ABCG5: variants seen among roughly 807,000 people sequenced by gnomAD.
ABCG5 encodes the protein ATP-binding cassette sub-family G member 5.
ABCG5 carries 64 observed loss-of-function variants against 64.5 expected under a neutral mutation model. The observed-to-expected ratio is 0.99, with a 90% CI of 0.81 to 1.22. ABCG5 has a LOEUF of 1.22. ABCG5 is among the 50% of genes most tolerant of loss of function. The pLI is 0.00. For missense variants in ABCG5, 908 were observed against 829.5 expected (o/e 1.09, Z -1.16); for synonymous variants, 385 against 326.3 (o/e 1.18, Z -1.94).
rs151129551 is a variant in ABCG5, at chr2:43,824,629, G to A, written c.905-197C>T. 6.5e-4 allele frequency: 641 copies of A among 985,408 alleles called. 4 individuals are homozygous for A. In the African/African-American group the frequency reaches 0.011, roughly 16 times the overall value. The allele number at this position is 985,408 out of a possible 1,614,324, so 61.0% of individuals were successfully genotyped here. A position where few individuals can be genotyped will look rare whatever the true frequency, so the allele number is the denominator to read the frequency against. On this transcript the variant is annotated intron_variant, in intron 7 of 12. Coordinates refer to ENST00000405322, the MANE Select transcript of ABCG5 (RefSeq NM_022436.3). ...TTGAGGATCCCATTGGGATTGTCTG[G>A]GAGAATTCAGAAGCTCAGCTAATTA...
At chr2:43,839,150 GT>G, upstream of ABCG5, 2 of 1,549,002 alleles carry the variant, frequency 1.3e-6, no homozygotes, top group African/African-American at 1.4e-5. Flanking sequence ...CCCAGGCCTG[GT>G]GGGCGGGTAG....
chr2:43,829,273 G>A (rs1040197043), intron 4 of ABCG5, among the ~76,000 whole-genome samples: 1 of 152,140 alleles, frequency 6.6e-6, no homozygotes, highest in African/African-American at 2.4e-5. Flanking sequence ...AATAAGTGCT[G>A]GGGTCCCATG....
chr2:43,832,382 A>C, intron 2 of ABCG5: 3 of 540,836 alleles, frequency 5.5e-6, no homozygotes. Flanking sequence ...ATTTGTCTTT[A>C]AAACTGTTTT....
At position 43,824,925 on chromosome 2, in the gene ABCG5, G is replaced by T; in HGVS notation, c.868C>A (p.Pro290Thr). Reference sequence around the variant, plus strand: ...AAAGGGTTTGAATGTTCAGGACAAGGGTAACCGCAGTCATTGAAGAAATCA... The same window carrying T: ...AAAGGGTTTGAATGTTCAGGACAAGTGTAACCGCAGTCATTGAAGAAATCA... ...MLDFFNDCGYPCPEHSNPFDF... is the reference protein window; with the variant it reads ...MLDFFNDCGYTCPEHSNPFDF... Residue 290 changes from proline (P) to threonine (T), a missense_variant, in exon 7 of 13, where the codon CCT becomes ACT. Pro to Thr is a conservative substitution (Grantham distance 38). Transcript: ENST00000405322. The T allele has an allele frequency of 6.2e-7, 1 of 1,614,036 alleles. No homozygotes were observed. The highest frequency in any genetic ancestry group is 8.5e-7 in the Non-Finnish European group (1 of 1,179,960).
intron 5 of ABCG5, 74 bp downstream of exon 5, chr2:43,827,909 A>C: frequency 6.2e-7 from 1 of 1,600,166 alleles, no homozygotes; most frequent in South Asian, 1.1e-5. Context: ...ACCGTGAAGA[A>C]AGGGCCCAAA....
At chr2:43,818,363 G>A (rs1354713137) in intron 11 of ABCG5, among the ~76,000 whole-genome samples, 1 of 152,166 alleles carries the variant, frequency 6.6e-6, no homozygotes, top group African/African-American at 2.4e-5. Flanking sequence ...AGAATCACTT[G>A]AACCCAGGAG....
downstream of ABCG5, among the ~76,000 whole-genome samples, chr2:43,808,211 C>A (rs768076560): frequency 2.7e-5 from 4 of 150,826 alleles, no homozygotes; most frequent in Non-Finnish European, 5.9e-5. Flanking sequence ...GTAAAGACTA[C>A]ATATGATTAT....
intron 10 of ABCG5, among the ~76,000 whole-genome samples, chr2:43,821,115 T>C (rs1667167648): frequency 6.6e-6 from 1 of 152,236 alleles, no homozygotes; most frequent in Admixed American, 6.5e-5. Context: ...AATGTTGGCA[T>C]GTCTTATACT....
At position 43,826,604 on chromosome 2, in the gene ABCG5, T is replaced by G. The variant is rs537387725; in HGVS notation, c.635-83A>C. The G allele has an allele frequency of 2.5e-6, 4 of 1,594,384 alleles. No individual in the cohort carries two copies. In the East Asian group the frequency reaches 8.9e-5, roughly 36 times the overall value. On this transcript the variant is annotated intron_variant, in intron 5 of 12. Transcript: ENST00000405322. ...AAAACTCAGAGTTCTGAACTGTTCC[T>G]TATTGAGTTTGTACCCCATTCAAAC...
upstream of ABCG5, chr2:43,838,904 G>A (rs964885357): frequency 1.7e-6 from 2 of 1,172,728 alleles, no homozygotes; most frequent in African/African-American, 3.1e-5. This position sits in a 1 kb window ranked among gnomAD's most constrained non-coding sequence, Gnocchi z 4.2. Context: ...TTGTAGGTGG[G>A]CTTGCCAGCA....
intron 12 of ABCG5, among the ~76,000 whole-genome samples, chr2:43,814,121 C>T (rs890842843): frequency 2.0e-5 from 3 of 151,968 alleles, no homozygotes; most frequent in South Asian, 2.1e-4. Flanking sequence ...TAGCTATGTA[C>T]GATGTACATT....
intron 4 of ABCG5, among the ~76,000 whole-genome samples, chr2:43,829,918 A>G (rs1667861669): frequency 6.6e-6 from 1 of 152,250 alleles, no homozygotes; most frequent in South Asian, 2.1e-4. Context: ...AAATAGGTAC[A>G]AAGGAATAAT....
At chr2:43,831,680 G>A in intron 4 of ABCG5, 89 bp downstream of exon 4, 1 of 1,310,120 alleles carries the variant, frequency 7.6e-7, no homozygotes, top group Non-Finnish European at 1.1e-6. Flanking sequence ...GCAAAGGGAA[G>A]GAATGGGCAA....
At position 43,813,190 on chromosome 2, in the gene ABCG5, A is replaced by G; in HGVS notation, c.1882T>C (p.Tyr628His). The G allele has an allele frequency of 1.3e-6, 2 of 1,587,492 alleles. No individual in the cohort carries two copies. Among genetic ancestry groups the G allele is most frequent in the Non-Finnish European group, 1.7e-6 (2 of 1,155,900 alleles). The change falls in exon 13 of 13, where the codon TAT (tyrosine) becomes CAT (histidine). Residue 628 changes from tyrosine (Y) to histidine (H), a missense_variant. Coordinates refer to ENST00000405322, the MANE Select transcript of ABCG5 (RefSeq NM_022436.3). ...ATGACAAGAGCTGGAATAAATGAAT[A>G]CAAAATCAGAAAGTTCATTGTGAAT... The part of the protein sequence containing the change: ...SRFTMNFLIL[Y>H]SFIPALVILG...
At chr2:43,816,629 C>T (rs1183083716) in intron 11 of ABCG5, among the ~76,000 whole-genome samples, 4 of 152,224 alleles carry the variant, frequency 2.6e-5, no homozygotes, top group South Asian at 2.1e-4. Context: ...CTGCAGCCTC[C>T]GCCTCCCAGG....
chr2:43,815,910 G>GAAAA (rs4148200), intron 11 of ABCG5, among the ~76,000 whole-genome samples: 4 of 104,064 alleles, frequency 3.8e-5, no homozygotes, highest in African/African-American at 6.5e-5. Flanking sequence ...AACAGGAAAA[G>GAAAA]AAAAAAAAAA....
At position 43,838,351 on chromosome 2, in the gene ABCG5, G is replaced by T; in HGVS notation, c.143+186C>A. The T allele has an allele frequency of 1.6e-6, 1 of 643,188 alleles. No individual in the cohort carries two copies. Among genetic ancestry groups the T allele is most frequent in the Non-Finnish European group, 2.7e-6 (1 of 375,832 alleles). The allele number at this position is 643,188 out of a possible 1,614,324, so 39.8% of individuals were successfully genotyped here. On this transcript the variant is annotated intron_variant, in intron 1 of 12. Coordinates refer to ENST00000405322, the MANE Select transcript of ABCG5 (RefSeq NM_022436.3). The surrounding 1 kb of genome is among the most constrained non-coding windows in gnomAD (Gnocchi z 4.2). ...AGGCCCTTCCCTGGGCAGGGGGAGG[G>T]GCCATTCACTGTCGCTCCATGTTTC...
chr2:43,826,391 C>T lies in ABCG5; in HGVS notation c.765G>A (p.Glu255=), dbSNP rs756207774. 5.6e-6 allele frequency: 9 copies of T among 1,613,926 alleles called. No individual in the cohort carries two copies. In the South Asian group the frequency reaches 9.9e-5, roughly 18 times the overall value. ...GAGTTGAACCTCTTACCTGAAAAAG[C>T]TCAGAACGGGGCTGGTGAATGGTGA... is the stretch of plus-strand genomic sequence containing the variant. ...VVLTIHQPRS[E]LFQLFDKIAI... The change falls in exon 6 of 13, where the codon GAG becomes GAA. Residue 255 remains glutamate, a synonymous_variant. Transcript: ENST00000405322.
chr2:43,820,157 A>G (rs1208981359), intron 10 of ABCG5, 57 bp from the exon 11 acceptor site: 22 of 1,552,804 alleles, frequency 1.4e-5, no homozygotes, highest in Non-Finnish European at 1.8e-5. Context: ...TAAGAAAAAT[A>G]CTGCACTTGC....
Sources: allele counts gnomAD v4.1 joint callset (sites outside exome capture counted in the v4.1 genomes callset), GRCh38; gene constraint gnomAD v4.1.1; non-coding constraint Gnocchi (gnomAD v3.1); transcripts MANE v1.5; gene names NCBI Gene and HGNC (gene_info 2026-07-23, HGNC 2026-07-21).